The following GRIK3 variants were observed in gnomAD, a reference collection of about 807,000 sequenced individuals.
GRIK3 encodes the protein glutamate receptor ionotropic, kainate 3.
A neutral mutation model predicts 102.5 loss-of-function variants in GRIK3; 29 were observed. The observed-to-expected ratio is 0.28, with a 90% CI of 0.21 to 0.39. The LOEUF is 0.39. Among genes scored for constraint, GRIK3 ranks in the 10% least tolerant of loss-of-function variants. The probability of loss-of-function intolerance (pLI) is 1.00; values close to 1 mark genes in which losing one functional copy is unlikely to be tolerated. For missense variants in GRIK3, 908 were observed against 1,252.4 expected, an observed-to-expected ratio of 0.73 and a Z score of 4.15; for synonymous variants, 511 against 504.9, an observed-to-expected ratio of 1.01 and a Z score of -0.16.
intron 1 of GRIK3, among the ~76,000 whole-genome samples, chr1:36,996,497 G>A (rs1022981758): frequency 2.6e-5 from 4 of 152,170 alleles, no homozygotes; most frequent in Non-Finnish European, 4.4e-5. Flanking sequence ...CAAGACACGC[G>A]GGGCAGCTGA....
At position 36,801,112 on chromosome 1, in the gene GRIK3, C is replaced by T. The variant is rs2124172120; in HGVS notation, c.*739G>A. 6.6e-6 allele frequency: 1 copy of T among 152,332 alleles called. No homozygotes were observed. The highest frequency in any genetic ancestry group is 2.1e-4 in the South Asian group (1 of 4,822). 9.4% of individuals were successfully genotyped at this position (152,332 alleles called of 1,614,324 possible). A position where few individuals can be genotyped will look rare whatever the true frequency, so the allele number is the denominator to read the frequency against. On this transcript the variant is annotated 3_prime_UTR_variant, in exon 16 of 16. Transcript: ENST00000373091. ...AGAAGAATTTTCTGTGGCCACTCCC[C>T]CACTTATATTCTTAGAGACCTCCTA...
chr1:36,874,918 C>A (rs2124256882), intron 3 of GRIK3, among the ~76,000 whole-genome samples: 1 of 152,338 alleles, frequency 6.6e-6, no homozygotes, highest in South Asian at 2.1e-4. Context: ...CAGCCCACTC[C>A]AGCAGAGGAC....
At chr1:36,859,500 C>T (rs776843253) in intron 6 of GRIK3, among the ~76,000 whole-genome samples, 4 of 151,364 alleles carry the variant, frequency 2.6e-5, no homozygotes, top group East Asian at 2.0e-4. Context: ...ACCCACCCCA[C>T]CCCTGCTACC....
intron 10 of GRIK3, among the ~76,000 whole-genome samples, chr1:36,830,580 TG>T (rs1295098490): frequency 6.7e-6 from 1 of 150,182 alleles, no homozygotes; most frequent in Non-Finnish European, 1.5e-5. Context: ...GAGGCCAAGG[TG>T]GGTGGATTGC....
chr1:36,888,350 C>T (rs1486840606), intron 2 of GRIK3, among the ~76,000 whole-genome samples: 1 of 152,174 alleles, frequency 6.6e-6, no homozygotes, highest in African/African-American at 2.4e-5. Flanking sequence ...TGTGGGGCAC[C>T]AGCAGTCAGA....
At chr1:36,984,071 C>T (rs1642278034) in intron 1 of GRIK3, among the ~76,000 whole-genome samples, 1 of 151,960 alleles carries the variant, frequency 6.6e-6, no homozygotes, top group Admixed American at 6.5e-5. Flanking sequence ...CTTCCACACT[C>T]GCACACACAG....
intron 1 of GRIK3, among the ~76,000 whole-genome samples, chr1:36,898,559 C>T (rs1641199003): frequency 6.6e-6 from 1 of 152,028 alleles, no homozygotes; most frequent in Non-Finnish European, 1.5e-5. Context: ...TAAATACATC[C>T]CATGTTCATG....
chr1:36,833,248 T>A (rs115015885), intron 10 of GRIK3, among the ~76,000 whole-genome samples: 1,755 of 152,256 alleles, frequency 0.012, 32 homozygotes, highest in African/African-American at 0.04. Context: ...GTTCACCTGA[T>A]CCTGTCCCCT....
chr1:36,845,443 C>T (rs1467409761), intron 9 of GRIK3, among the ~76,000 whole-genome samples: 1 of 152,230 alleles, frequency 6.6e-6, no homozygotes, highest in African/African-American at 2.4e-5. Flanking sequence ...TCTCCGATCA[C>T]TTACCCCAGC....
At chr1:37,029,135 G>A (rs543445901) in intron 1 of GRIK3, among the ~76,000 whole-genome samples, 2 of 152,334 alleles carry the variant, frequency 1.3e-5, no homozygotes, top group African/African-American at 2.4e-5. Context: ...CAGCACCTGG[G>A]AGAAGAGCGA....
At chr1:36,811,952 C>T (rs1467899815) in intron 13 of GRIK3, among the ~76,000 whole-genome samples, 2 of 152,178 alleles carry the variant, frequency 1.3e-5, no homozygotes, top group East Asian at 3.8e-4. Context: ...AGACTCAAAT[C>T]CTGGTCTGTC....
chr1:36,869,508 G>A lies in GRIK3; in HGVS notation c.786+240C>T, dbSNP rs139247846. Among the ~76,000 whole-genome samples the A allele has an allele frequency of 5.9e-3, 904 of 152,330 alleles. 7 individuals carry two copies. Among genetic ancestry groups the A allele is most frequent in the Admixed American group, 0.017 (256 of 15,302 alleles). ...GCCTTAGCCAAGGAACCACAGTGGTGAGCAGAGGAGCTGGTGTTCACATTG... is the reference window on the plus strand; with the variant it reads ...GCCTTAGCCAAGGAACCACAGTGGTAAGCAGAGGAGCTGGTGTTCACATTG... On this transcript the variant is annotated intron_variant, in intron 5 of 15. Coordinates refer to ENST00000373091, the MANE Select transcript of GRIK3 (RefSeq NM_000831.4).
At chr1:36,831,946 T>C (rs1342683704) in intron 10 of GRIK3, among the ~76,000 whole-genome samples, 1 of 152,112 alleles carries the variant, frequency 6.6e-6, no homozygotes, top group Non-Finnish European at 1.5e-5. Flanking sequence ...ATGCTGCACA[T>C]GAACTGTTCT....
chr1:36,950,899 G>C (rs565965461), intron 1 of GRIK3, among the ~76,000 whole-genome samples: 22 of 152,354 alleles, frequency 1.4e-4, no homozygotes, highest in African/African-American at 5.0e-4. Context: ...ACAGCAACGG[G>C]GAGCGGAGGG....
chr1:36,875,640 A>T (rs1180761131), intron 3 of GRIK3, among the ~76,000 whole-genome samples: 1 of 152,204 alleles, frequency 6.6e-6, no homozygotes, highest in Non-Finnish European at 1.5e-5. Flanking sequence ...AGCTGAATAT[A>T]CCTGCATTTC....
rs753895382 is a variant in GRIK3, at chr1:36,805,263, C to A, written c.2315-26G>T. ...CTGAGCAGGGAGAAGGGACCCCTAG[C>A]CATCAGTGGCGTGTGGCCCATTCTG... On this transcript the variant is annotated intron_variant, in intron 14 of 15. Coordinates refer to ENST00000373091, the MANE Select transcript of GRIK3 (RefSeq NM_000831.4). 5 of 1,582,388 alleles carry A rather than the reference C, an allele frequency of 3.2e-6. No individual in the cohort carries two copies. The African/African-American group carries it at 4.0e-5, about 13-fold the overall frequency.
In GRIK3 at chr1:36,830,021, C is replaced by T. The variant is rs1010495445; in HGVS notation, c.1531-4195G>A. On this transcript the variant is annotated intron_variant, in intron 10 of 15. Coordinates refer to ENST00000373091, the MANE Select transcript of GRIK3 (RefSeq NM_000831.4). ...CCAGCTTGCTGCCTGTGTCTGGTGT[C>T]CCTGCTGGAAGCTGCCTGCTTGGAT... Among the ~76,000 whole-genome samples the T allele has an allele frequency of 2.0e-5, 3 of 152,226 alleles. No individual in the cohort carries two copies. The East Asian group carries it at 5.8e-4, about 29-fold the overall frequency.
chr1:36,846,944 G>A (rs1290766552), intron 9 of GRIK3, among the ~76,000 whole-genome samples: 5 of 152,206 alleles, frequency 3.3e-5, no homozygotes, highest in Non-Finnish European at 5.9e-5. Flanking sequence ...TCCCCATCAG[G>A]GATACTCCAG....
At chr1:36,864,668 G>A (rs566144907) in intron 5 of GRIK3, among the ~76,000 whole-genome samples, 5 of 152,180 alleles carry the variant, frequency 3.3e-5, no homozygotes, top group Admixed American at 6.5e-5. Context: ...ATCACAGCCC[G>A]GGAGGGGGCA....
Sources: gnomAD v4.1 joint callset for allele counts (sites outside exome capture counted in the v4.1 genomes callset) on GRCh38, gnomAD v4.1.1 for gene constraint, MANE v1.5 for transcripts, NCBI Gene and HGNC (gene_info 2026-07-23, HGNC 2026-07-21) for gene names.